Variants in FOXO1 observed in about 807,000 individuals in gnomAD.
FOXO1 encodes forkhead box protein O1.
FOXO1 carries 6 observed loss-of-function variants against 44.1 expected under a neutral mutation model. That is an observed-to-expected ratio of 0.14 (90% CI 0.07 to 0.27). The LOEUF is 0.27. Among genes scored for constraint, FOXO1 ranks in the 10% least tolerant of loss-of-function variants. The pLI is 1.00. For missense variants in FOXO1, 737 were observed against 888.8 expected, an observed-to-expected ratio of 0.83 and a Z score of 2.17; for synonymous variants, 380 against 362.7, an observed-to-expected ratio of 1.05 and a Z score of -0.54.
At chr13:40,581,854 T>C (rs1874968031) in intron 1 of FOXO1, among the ~76,000 whole-genome samples, 1 of 152,210 alleles carries the variant, frequency 6.6e-6, no homozygotes, top group Admixed American at 6.5e-5. Context: ...TAAAGCTTTT[T>C]TTAAAAAGGG....
intron 1 of FOXO1, among the ~76,000 whole-genome samples, chr13:40,612,153 C>A (rs1247603182): frequency 6.6e-6 from 1 of 152,166 alleles, no homozygotes; most frequent in Non-Finnish European, 1.5e-5. Flanking sequence ...TACAGGCCTA[C>A]TGAAAACAAG....
In FOXO1 at chr13:40,576,175, T is replaced by G. The variant is rs142754970; in HGVS notation, c.631-15315A>C. 3.0e-4 allele frequency among the ~76,000 whole-genome samples: 46 copies of G among 152,260 alleles called. 1 individual carries two copies. The East Asian group carries it at 8.5e-3, about 28-fold the overall frequency. ...TTTTTAAAAACACTAGTAAGGTATG[T>G]CTGGAGAAAAGAGAAGAGGTCAGTA... On this transcript the variant is annotated intron_variant, in intron 1 of 2. Transcript: ENST00000379561.
At chr13:40,633,616 G>C (rs188674267) in intron 1 of FOXO1, among the ~76,000 whole-genome samples, 1 of 152,164 alleles carries the variant, frequency 6.6e-6, no homozygotes, top group African/African-American at 2.4e-5. Context: ...GGAGATATGG[G>C]AAGAATGGGG....
intron 1 of FOXO1, among the ~76,000 whole-genome samples, chr13:40,633,060 T>C (rs992931976): frequency 2.6e-5 from 4 of 152,188 alleles, no homozygotes; most frequent in Non-Finnish European, 2.9e-5. Context: ...ATTACAGTGA[T>C]ACCACTTCAC....
rs190992077 is a variant in FOXO1, at chr13:40,662,128, G to A, written c.630+3455C>T. Among the ~76,000 whole-genome samples the A allele has an allele frequency of 2.0e-3, 260 of 127,130 alleles. 6 individuals are homozygous for A. In the East Asian group the frequency reaches 0.025, roughly 12 times the overall value. The allele number at this position is 127,130 out of a possible 152,430, so 83.4% of individuals were successfully genotyped here. On this transcript the variant is annotated intron_variant, in intron 1 of 2. Coordinates refer to ENST00000379561, the MANE Select transcript of FOXO1 (RefSeq NM_002015.4). ...GGAGGTTGCAGCAAGCCGAGATTGC[G>A]CCACTGCACTCCAGCCTGGGCAACA...
In FOXO1 at chr13:40,560,916, C is replaced by G; in HGVS notation, c.631-56G>C. 3 of 1,501,548 alleles carry G rather than the reference C, an allele frequency of 2.0e-6. No homozygotes were observed. The highest frequency in any genetic ancestry group is 1.8e-6 in the Non-Finnish European group (2 of 1,120,340). The allele number at this position is 1,501,548 out of a possible 1,614,324, so 93.0% of individuals were successfully genotyped here. On this transcript the variant is annotated intron_variant, in intron 1 of 2. Coordinates refer to ENST00000379561, the MANE Select transcript of FOXO1 (RefSeq NM_002015.4). This position sits in a 1 kb window ranked among gnomAD's most constrained non-coding sequence, Gnocchi z 5.1. ...AATACTTCTCTGCTTGCAAAACTTCCTATTCTACATGTATTACATGGAAAA... is the reference window on the plus strand; with the variant it reads ...AATACTTCTCTGCTTGCAAAACTTCGTATTCTACATGTATTACATGGAAAA...
chr13:40,627,940 T>C (rs1876838901), intron 1 of FOXO1, among the ~76,000 whole-genome samples: 1 of 152,026 alleles, frequency 6.6e-6, no homozygotes. Flanking sequence ...ATTGAAGCAT[T>C]AAGGAATACA....
chr13:40,596,003 C>T (rs2701863), intron 1 of FOXO1, among the ~76,000 whole-genome samples: 57,413 of 144,882 alleles, frequency 0.4, 11,803 homozygotes, highest in East Asian at 0.74. Flanking sequence ...AGTGTAAAAA[C>T]ATTCAGTACA....
chr13:40,568,024 T>C (rs1874339262), intron 1 of FOXO1, among the ~76,000 whole-genome samples: 1 of 152,150 alleles, frequency 6.6e-6, no homozygotes, highest in African/African-American at 2.4e-5. Flanking sequence ...TTCTTCTTTA[T>C]GGCAGGAATC....
intron 1 of FOXO1, among the ~76,000 whole-genome samples, chr13:40,639,388 C>T (rs1028960385): frequency 6.6e-6 from 1 of 152,008 alleles, no homozygotes; most frequent in African/African-American, 2.4e-5. Context: ...TGTCAGTAGT[C>T]CAGAGCCCTA....
intron 1 of FOXO1, among the ~76,000 whole-genome samples, chr13:40,656,571 G>A (rs568073923): frequency 4.6e-5 from 7 of 152,140 alleles, no homozygotes; most frequent in East Asian, 1.9e-4. Context: ...GCCAAATTCC[G>A]TATGTCAGTT....
intron 1 of FOXO1, chr13:40,621,073 C>T: frequency 4.6e-6 from 1 of 215,710 alleles, no homozygotes; most frequent in South Asian, 8.1e-5. Context: ...GCTAGGATTA[C>T]AGGCAAGAGC....
chr13:40,627,827 C>T (rs1010648040), intron 1 of FOXO1, among the ~76,000 whole-genome samples: 8 of 148,582 alleles, frequency 5.4e-5, no homozygotes, highest in Admixed American at 3.3e-4. Flanking sequence ...AGTGATACTC[C>T]GGCTAAAAAA....
At chr13:40,565,757 T>C (rs1367749560) in intron 1 of FOXO1, among the ~76,000 whole-genome samples, 3 of 152,254 alleles carry the variant, frequency 2.0e-5, no homozygotes, top group African/African-American at 7.2e-5. Context: ...TTAATCTCTA[T>C]TAGCTAATGT....
At chr13:40,601,510 A>T (rs1566072367) in intron 1 of FOXO1, among the ~76,000 whole-genome samples, 1 of 152,190 alleles carries the variant, frequency 6.6e-6, no homozygotes, top group African/African-American at 2.4e-5. Flanking sequence ...TATTTTTCAA[A>T]TTTTCTCTAA....
At chr13:40,649,482 CG>C (rs1217499036) in intron 1 of FOXO1, among the ~76,000 whole-genome samples, 1 of 151,992 alleles carries the variant, frequency 6.6e-6, no homozygotes, top group Non-Finnish European at 1.5e-5. Flanking sequence ...TAAACACAGG[CG>C]GAAGTCATGG....
At chr13:40,574,477 T>C (rs932751966) in intron 1 of FOXO1, among the ~76,000 whole-genome samples, 1 of 152,234 alleles carries the variant, frequency 6.6e-6, no homozygotes, top group African/African-American at 2.4e-5. Flanking sequence ...ATGCTACCAA[T>C]TTCAAGCATA....
At chr13:40,657,748 TC>T (rs1877903151) in intron 1 of FOXO1, among the ~76,000 whole-genome samples, 1 of 152,208 alleles carries the variant, frequency 6.6e-6, no homozygotes, top group Non-Finnish European at 1.5e-5. Context: ...CATCTAGTCT[TC>T]CTACTGGATC....
chr13:40,624,749 T>C (rs1452410461), intron 1 of FOXO1, among the ~76,000 whole-genome samples: 1 of 152,250 alleles, frequency 6.6e-6, no homozygotes, highest in African/African-American at 2.4e-5. Context: ...GGAATCATTT[T>C]TGGTAAGCAT....
Sources: allele counts gnomAD v4.1 joint callset (sites outside exome capture counted in the v4.1 genomes callset), GRCh38; gene constraint gnomAD v4.1.1; non-coding constraint Gnocchi (gnomAD v3.1); transcripts MANE v1.5; gene names NCBI Gene and HGNC (gene_info 2026-07-23, HGNC 2026-07-21).